Variants in EMC8 observed in about 807,000 individuals in gnomAD.
The protein encoded by EMC8 is COX4 neighbor.
Under a neutral mutation model 24.3 loss-of-function variants are expected in EMC8, and 11 were observed. The ratio of observed to expected loss-of-function variants is 0.45; its 90% CI spans 0.28 to 0.75. EMC8 has a LOEUF of 0.75. Among genes scored for constraint, EMC8 ranks in the 30% least tolerant of loss-of-function variants. The pLI, the probability that EMC8 is intolerant of heterozygous loss-of-function variation, is 0.12. For missense variants in EMC8, 277 were observed against 282.7 expected (o/e 0.98, Z 0.14); for synonymous variants, 145 against 117.7 (o/e 1.23, Z -1.50).
chr16:85,787,366 C>A (rs1904802185), intron 2 of EMC8, among the ~76,000 whole-genome samples: 1 of 152,224 alleles, frequency 6.6e-6, no homozygotes, highest in Non-Finnish European at 1.5e-5. Flanking sequence ...CCGGCCCCTG[C>A]CACCAAGCCC....
intron 1 of EMC8, among the ~76,000 whole-genome samples, chr16:85,792,105 T>C (rs1905039617): frequency 1.3e-5 from 2 of 152,180 alleles, no homozygotes; most frequent in Non-Finnish European, 2.9e-5. Context: ...GCCACCTGGT[T>C]AGGACTCATA....
At chr16:85,798,831 T>C (rs1269864024) in intron 1 of EMC8, 2 of 482,338 alleles carry the variant, frequency 4.1e-6, no homozygotes, top group Non-Finnish European at 7.4e-6. Context: ...ACTCGTCGCC[T>C]TAAAGTGCCT....
intron 3 of EMC8, 132 bp from the exon 4 acceptor site, chr16:85,780,605 A>G (rs1158487753): frequency 1.2e-5 from 8 of 661,558 alleles, no homozygotes; most frequent in Non-Finnish European, 1.9e-5. Flanking sequence ...CAGAGCCTGT[A>G]TGCAGAGTGG....
intron 1 of EMC8, among the ~76,000 whole-genome samples, chr16:85,794,919 C>A (rs1050900401): frequency 6.6e-6 from 1 of 152,196 alleles, no homozygotes; most frequent in Non-Finnish European, 1.5e-5. Flanking sequence ...CTCTCACGCT[C>A]AGGTAGCAGG....
At chr16:85,789,411 T>C (rs139025803) in intron 1 of EMC8, among the ~76,000 whole-genome samples, 88 of 152,260 alleles carry the variant, frequency 5.8e-4, no homozygotes, top group Non-Finnish European at 1.1e-3. Flanking sequence ...TTATCCTTCA[T>C]AGTTAAGGAA....
At chr16:85,789,576 G>A (rs1278484074) in intron 1 of EMC8, among the ~76,000 whole-genome samples, 1 of 152,040 alleles carries the variant, frequency 6.6e-6, no homozygotes, top group Admixed American at 6.6e-5. Context: ...CGGATCACCT[G>A]AGGTCAAGAG....
At position 85,779,172 on chromosome 16, in the gene EMC8, A is replaced by G. The variant is rs968637413; in HGVS notation, c.*536T>C. 2 of 154,200 alleles carry G rather than the reference A, an allele frequency of 1.3e-5. No homozygotes were observed. Among genetic ancestry groups the G allele is most frequent in the Non-Finnish European group, 2.9e-5 (2 of 69,420 alleles). The allele number at this position is 154,200 out of a possible 1,614,324, so 9.6% of individuals were successfully genotyped here. A position where few individuals can be genotyped will look rare whatever the true frequency, so the allele number is the denominator to read the frequency against. On this transcript the variant is annotated 3_prime_UTR_variant, in exon 5 of 5. Coordinates refer to ENST00000253457, the MANE Select transcript of EMC8 (RefSeq NM_006067.5). ...CACCATGTGGAGCAGTGCTGTTCAC[A>G]GCCCAGCCTACCTGACCACAGAAAC... is the stretch of plus-strand genomic sequence containing the variant.
intron 2 of EMC8, chr16:85,785,198 T>G (rs527746332): frequency 6.6e-6 from 1 of 152,312 alleles, no homozygotes; most frequent in South Asian, 2.1e-4. Flanking sequence ...CCTCCTGCCT[T>G]GGCCTCTGAA....
At chr16:85,780,633 A>G in intron 3 of EMC8, 160 bp from the exon 4 acceptor site, 1 of 610,600 alleles carries the variant, frequency 1.6e-6, no homozygotes. Context: ...GTCTGGCCTG[A>G]GGAAAACTGT....
chr16:85,783,868 C>T (rs1184944492), intron 2 of EMC8, among the ~76,000 whole-genome samples: 2 of 152,186 alleles, frequency 1.3e-5, no homozygotes, highest in African/African-American at 2.4e-5. Flanking sequence ...TGCTGGAGTT[C>T]TGAGGATTTA....
At chr16:85,789,235 A>G (rs1049683752) in intron 1 of EMC8, among the ~76,000 whole-genome samples, 185 bp from the exon 2 acceptor site, 3 of 152,202 alleles carry the variant, frequency 2.0e-5, no homozygotes, top group African/African-American at 7.2e-5. Context: ...AGGACTTTGA[A>G]CATAAGGAAT....
intron 3 of EMC8, chr16:85,780,751 T>C (rs895279880): frequency 5.8e-6 from 3 of 516,250 alleles, no homozygotes; most frequent in African/African-American, 3.8e-5. Context: ...TCAAGGCTGT[T>C]CAGCAAGGCC....
intron 1 of EMC8, among the ~76,000 whole-genome samples, chr16:85,797,504 C>T (rs907501575): frequency 6.6e-5 from 10 of 152,192 alleles, no homozygotes; most frequent in Non-Finnish European, 1.3e-4. Flanking sequence ...TCTTCAAGAG[C>T]TAAAATACTT....
intron 1 of EMC8, among the ~76,000 whole-genome samples, chr16:85,791,469 C>T (rs1597206815): frequency 1.3e-5 from 2 of 152,172 alleles, no homozygotes; most frequent in Admixed American, 1.3e-4. Context: ...TCCCTCCCCT[C>T]GCTCCCCGGC....
At chr16:85,798,930 CA>C in intron 1 of EMC8, 134 bp downstream of exon 1, 1 of 624,532 alleles carries the variant, frequency 1.6e-6, no homozygotes, top group African/African-American at 1.8e-5. Context: ...TGGATCACCC[CA>C]TTCCTGGCCA....
At chr16:85,788,754 A>T in intron 2 of EMC8, 1 of 572,116 alleles carries the variant, frequency 1.7e-6, no homozygotes, top group South Asian at 2.1e-5. Context: ...TGCAAAATAA[A>T]GAAGACACAA....
chr16:85,796,753 T>C (rs1036770851), intron 1 of EMC8, among the ~76,000 whole-genome samples: 1 of 152,172 alleles, frequency 6.6e-6, no homozygotes, highest in Non-Finnish European at 1.5e-5. Flanking sequence ...CCCCACCTCC[T>C]GAGGGTCAAA....
chr16:85,787,380 G>A (rs1242279962), intron 2 of EMC8, among the ~76,000 whole-genome samples: 1 of 152,198 alleles, frequency 6.6e-6, no homozygotes, highest in Non-Finnish European at 1.5e-5. Flanking sequence ...CAAGCCCCCT[G>A]CAGGGGCCGC....
Position 85,796,676 on chromosome 16 carries a change from C to G in EMC8, c.231+2389G>C, listed in dbSNP as rs1905253409. Among the ~76,000 whole-genome samples the G allele has an allele frequency of 3.3e-5, 5 of 152,288 alleles. No homozygotes were observed. In the South Asian group the frequency reaches 1.0e-3, roughly 32 times the overall value. On this transcript the variant is annotated intron_variant, in intron 1 of 4. Coordinates refer to ENST00000253457, the MANE Select transcript of EMC8 (RefSeq NM_006067.5). ...CTCTCCAAACTCCCCCACTCGCTCTCCTCTCCCGCCCACTATTTTCTCCTG... is the reference window on the plus strand; with the variant it reads ...CTCTCCAAACTCCCCCACTCGCTCTGCTCTCCCGCCCACTATTTTCTCCTG...
Sources: allele counts gnomAD v4.1 joint callset (sites outside exome capture counted in the v4.1 genomes callset), GRCh38; gene constraint gnomAD v4.1.1; transcripts MANE v1.5; gene names NCBI Gene and HGNC (gene_info 2026-07-23, HGNC 2026-07-21).